Variants in TBL1X observed in about 807,000 individuals in gnomAD.
The protein encoded by TBL1X is F-box-like/WD repeat-containing protein TBL1X.
TBL1X carries 10 observed loss-of-function variants against 50.7 expected under a neutral mutation model. The ratio of observed to expected loss-of-function variants is 0.20; its 90% CI spans 0.12 to 0.33. TBL1X has a LOEUF of 0.33. TBL1X is among the 10% of genes least tolerant of loss of function. The pLI, the probability that TBL1X is intolerant of heterozygous loss-of-function variation, is 1.00. For missense variants in TBL1X, 340 were observed against 504.4 expected, an observed-to-expected ratio of 0.67 and a Z score of 3.12; for synonymous variants, 190 against 214.7, an observed-to-expected ratio of 0.88 and a Z score of 1.01.
At chrX:9,518,347 G>A (rs1398829714) in intron 2 of TBL1X, among the ~76,000 whole-genome samples, 1 of 111,662 alleles carries the variant, frequency 9.0e-6, no homozygotes, top group Non-Finnish European at 1.9e-5. Flanking sequence ...TTGAAGGCAC[G>A]TACCATCTTG....
intron 2 of TBL1X, among the ~76,000 whole-genome samples, chrX:9,623,182 G>T (rs990710034): frequency 8.9e-6 from 1 of 112,197 alleles, no homozygotes. Context: ...TGCTAATTTT[G>T]TACAGGCAAC....
intron 2 of TBL1X, among the ~76,000 whole-genome samples, chrX:9,609,336 G>GGGTGT (rs1555900202): frequency 2.1e-5 from 2 of 94,774 alleles, no homozygotes; most frequent in African/African-American, 8.1e-5. Context: ...TTTTCTTCCA[G>GGGTGT]GTGTGTGTGT....
chrX:9,635,071 G>A lies in TBL1X; in HGVS notation c.-130-5202G>A, dbSNP rs183001648. Among the ~76,000 whole-genome samples the A allele has an allele frequency of 1.8e-3, 201 of 111,754 alleles. 2 individuals carry two copies. Among genetic ancestry groups the A allele is most frequent in the African/African-American group, 6.1e-3 (187 of 30,765 alleles). On this transcript the variant is annotated intron_variant, in intron 2 of 17. Coordinates refer to ENST00000645353, the MANE Select transcript of TBL1X (RefSeq NM_005647.4). Reference sequence around the variant, plus strand: ...AGGCAGGATGGGGGCTGGAGGGGCCGTGTCCCGGCGCCTCCTTCCTGTGGC... The same window carrying A: ...AGGCAGGATGGGGGCTGGAGGGGCCATGTCCCGGCGCCTCCTTCCTGTGGC...
At chrX:9,516,764 A>G (rs1231627745) in intron 2 of TBL1X, among the ~76,000 whole-genome samples, 5 of 112,071 alleles carry the variant, frequency 4.5e-5, no homozygotes, top group Non-Finnish European at 9.4e-5. Context: ...ATGTAGCAAA[A>G]TGAAAAGCAT....
rs2082032118 is a variant in TBL1X at position 9,507,519 on chromosome X, A to G, written c.-131+5670A>G. On this transcript the variant is annotated intron_variant, in intron 2 of 17. Coordinates refer to ENST00000645353, the MANE Select transcript of TBL1X (RefSeq NM_005647.4). The stretch of plus-strand genomic sequence containing the variant: ...ATCATGAAAAGGGCCATATTGCCCA[A>G]AGTACTTTATACATTCAATGTTGTT... Among the ~76,000 whole-genome samples the G allele has an allele frequency of 3.6e-5, 4 of 112,403 alleles. No homozygotes were observed. The South Asian group carries it at 1.5e-3, about 41-fold the overall frequency.
chrX:9,555,368 C>T (rs113738212), intron 2 of TBL1X, among the ~76,000 whole-genome samples: 4,435 of 111,635 alleles, frequency 0.04, 96 homozygotes, highest in African/African-American at 0.077. Flanking sequence ...TTTAAACCAC[C>T]ACACCTGGCC....
intron 11 of TBL1X, 108 bp downstream of exon 11, chrX:9,693,527 T>G: frequency 1.3e-6 from 1 of 748,741 alleles, no homozygotes; most frequent in East Asian, 3.5e-5. Context: ...GTGCTTCCCC[T>G]TAAGAAATGA....
intron 11 of TBL1X, among the ~76,000 whole-genome samples, chrX:9,695,606 C>T: frequency 8.9e-6 from 1 of 112,067 alleles, no homozygotes; most frequent in Non-Finnish European, 1.9e-5. Flanking sequence ...GTTAATCCAT[C>T]CGGTACTGCC....
chrX:9,707,192 T>G (rs1166023586), intron 13 of TBL1X, among the ~76,000 whole-genome samples: 1 of 110,784 alleles, frequency 9.0e-6, no homozygotes, highest in Non-Finnish European at 1.9e-5. Flanking sequence ...ACTTAACTGA[T>G]GTAAATTCCC....
At chrX:9,475,989 A>G in intron 1 of TBL1X, among the ~76,000 whole-genome samples, 1 of 112,273 alleles carries the variant, frequency 8.9e-6, no homozygotes, top group Non-Finnish European at 1.9e-5. Flanking sequence ...CAGGATGCCT[A>G]ATGCCGACCA....
intron 5 of TBL1X, among the ~76,000 whole-genome samples, chrX:9,676,463 T>C (rs887707327): frequency 1.8e-4 from 20 of 112,695 alleles, no homozygotes; most frequent in Admixed American, 5.6e-4. Flanking sequence ...AAAATAGTCT[T>C]GGCAAGGGTG....
At chrX:9,543,298 A>C (rs1441024804) in intron 2 of TBL1X, among the ~76,000 whole-genome samples, 1 of 111,615 alleles carries the variant, frequency 9.0e-6, no homozygotes, top group African/African-American at 3.3e-5. Context: ...AAGGAACGGG[A>C]AATCATCCGG....
At chrX:9,608,831 G>A (rs1240340550) in intron 2 of TBL1X, among the ~76,000 whole-genome samples, 1 of 112,214 alleles carries the variant, frequency 8.9e-6, no homozygotes, top group Non-Finnish European at 1.9e-5. Flanking sequence ...AGGCAGCTGA[G>A]GTGGGAGATC....
At chrX:9,692,359 T>G in intron 9 of TBL1X, 105 bp downstream of exon 9, 1 of 1,008,938 alleles carries the variant, frequency 9.9e-7, no homozygotes, top group Non-Finnish European at 1.3e-6. Flanking sequence ...AGGCAGGTGG[T>G]CCTGTGTGCT....
At chrX:9,712,214 A>G (rs952713110) in intron 16 of TBL1X, among the ~76,000 whole-genome samples, 1 of 113,062 alleles carries the variant, frequency 8.8e-6, no homozygotes, top group African/African-American at 3.2e-5. Flanking sequence ...AACGGGGTCA[A>G]GGCCACACCA....
intron 2 of TBL1X, among the ~76,000 whole-genome samples, chrX:9,526,992 C>T (rs1375449991): frequency 9.0e-6 from 1 of 111,703 alleles, no homozygotes; most frequent in Admixed American, 9.4e-5. Flanking sequence ...CCCCGCCACA[C>T]GGAACCACTG....
intron 5 of TBL1X, among the ~76,000 whole-genome samples, chrX:9,661,210 T>C (rs1433005069): frequency 1.8e-5 from 2 of 112,682 alleles, no homozygotes; most frequent in Non-Finnish European, 3.8e-5. Flanking sequence ...TAGTGACATT[T>C]GTCATTCATT....
At chrX:9,598,583 G>C in intron 2 of TBL1X, among the ~76,000 whole-genome samples, 1 of 112,117 alleles carries the variant, frequency 8.9e-6, no homozygotes, top group East Asian at 2.8e-4. Context: ...TAAATAGCTC[G>C]TGCTGTTTCT....
At chrX:9,522,466 C>T (rs1169669912) in intron 2 of TBL1X, among the ~76,000 whole-genome samples, 1 of 111,211 alleles carries the variant, frequency 9.0e-6, no homozygotes, top group Non-Finnish European at 1.9e-5. Flanking sequence ...AACCTGCAGG[C>T]CCCATGGCTT....
Sources: gnomAD v4.1 joint callset for allele counts (sites outside exome capture counted in the v4.1 genomes callset) on GRCh38, gnomAD v4.1.1 for gene constraint, MANE v1.5 for transcripts, NCBI Gene and HGNC (gene_info 2026-07-23, HGNC 2026-07-21) for gene names.